The following CD9 variants were observed in gnomAD, a reference collection of about 807,000 sequenced individuals.
CD9 encodes the protein CD9 molecule.
CD9 carries 10 observed loss-of-function variants against 31.4 expected under a neutral mutation model. The ratio of observed to expected loss-of-function variants is 0.32; its 90% CI spans 0.20 to 0.54. The LOEUF (loss-of-function observed/expected upper bound fraction) is 0.54. Among genes scored for constraint, CD9 ranks in the 20% least tolerant of loss-of-function variants. CD9 has a pLI of 0.94. For missense variants in CD9, 259 were observed against 300.1 expected (o/e 0.86, Z 1.01); for synonymous variants, 113 against 114.1 (o/e 0.99, Z 0.06).
intron 1 of CD9, among the ~76,000 whole-genome samples, chr12:6,224,190 A>G (rs1401522129): frequency 1.3e-5 from 2 of 152,048 alleles, no homozygotes; most frequent in East Asian, 1.9e-4. Context: ...TGCACTTCTG[A>G]TATTATCTTC....
chr12:6,233,435 A>G lies in CD9; in HGVS notation c.297A>G (p.Ile99Met). Residue 99 changes from isoleucine (I) to methionine (M), a missense_variant, in exon 4 of 8, where the codon ATA becomes ATG. By Grantham distance (10) the Ile-to-Met change is conservative. Transcript: ENST00000009180. Reference sequence around the variant, plus strand: ...AGTTCTTCGGCTTCCTCTTGGTGATATTCGCCATTGAAATAGCTGCGGCCA... The same window carrying G: ...AGTTCTTCGGCTTCCTCTTGGTGATGTTCGCCATTGAAATAGCTGCGGCCA... The part of the protein sequence containing the change: ...LGLFFGFLLV[I>M]FAIEIAAAIW... 1 of 1,614,016 alleles carries G rather than the reference A, an allele frequency of 6.2e-7. No homozygotes were observed. Among genetic ancestry groups the G allele is most frequent in the Non-Finnish European group, 8.5e-7 (1 of 1,179,954 alleles).
intron 1 of CD9, among the ~76,000 whole-genome samples, chr12:6,201,876 A>G (rs955416927): frequency 2.0e-5 from 3 of 152,146 alleles, no homozygotes; most frequent in South Asian, 2.1e-4. Context: ...CATCTCCACA[A>G]AAAAATAAAA....
chr12:6,211,470 C>G (rs1395203929), intron 1 of CD9, among the ~76,000 whole-genome samples: 1 of 152,156 alleles, frequency 6.6e-6, no homozygotes, highest in Non-Finnish European at 1.5e-5. Flanking sequence ...TTTAGCCGAC[C>G]CTGCCACTCC....
intron 1 of CD9, among the ~76,000 whole-genome samples, chr12:6,210,297 G>A (rs1946180838): frequency 6.6e-6 from 1 of 152,238 alleles, no homozygotes; most frequent in Non-Finnish European, 1.5e-5. Flanking sequence ...ATGGGCAGCT[G>A]CAACAGTGCA....
rs1481096567 is a variant in CD9, at chr12:6,237,833, A to G, written c.*5A>G. 3.1e-6 allele frequency: 5 copies of G among 1,606,860 alleles called. No individual in the cohort carries two copies. The Admixed American group carries it at 8.3e-5, about 27-fold the overall frequency. ...AGGAACCGCGAGATGGTCTAGAGTCAGCTTACATCCCTGAGCAGGAAAGTT... is the reference window on the plus strand; with the variant it reads ...AGGAACCGCGAGATGGTCTAGAGTCGGCTTACATCCCTGAGCAGGAAAGTT... On this transcript the variant is annotated 3_prime_UTR_variant, in exon 8 of 8. Coordinates refer to ENST00000009180, the MANE Select transcript of CD9 (RefSeq NM_001769.4).
At position 6,232,509 on chromosome 12, in the gene CD9, A is replaced by T. The variant is rs1946459044; in HGVS notation, c.176-123A>T. ...TTAAGGAAAGGGAACTTCTTCCCTG[A>T]GATGAGGGGAATAAGGAGGTGGGGA... On this transcript the variant is annotated intron_variant, in intron 2 of 7. Transcript: ENST00000009180. The surrounding 1 kb of genome is among the most constrained non-coding windows in gnomAD (Gnocchi z 4.8). The T allele has an allele frequency of 4.3e-6, 3 of 703,132 alleles. No individual in the cohort carries two copies. Among genetic ancestry groups the T allele is most frequent in the Non-Finnish European group, 7.7e-6 (3 of 391,130 alleles). The allele number at this position is 703,132 out of a possible 1,614,324, so 43.6% of individuals were successfully genotyped here.
intron 1 of CD9, 149 bp from the exon 2 acceptor site, chr12:6,225,277 C>A: frequency 4.8e-6 from 3 of 622,888 alleles, no homozygotes; most frequent in Non-Finnish European, 8.7e-6. Context: ...AAACACACCC[C>A]GTAATGGCAT....
At chr12:6,216,765 C>T (rs957060052) in intron 1 of CD9, among the ~76,000 whole-genome samples, 9 of 152,196 alleles carry the variant, frequency 5.9e-5, no homozygotes, top group African/African-American at 2.2e-4. Context: ...GGAAACAGAA[C>T]CCCAGTGTCC....
intron 2 of CD9, 152 bp downstream of exon 2, chr12:6,225,686 G>A: frequency 3.4e-6 from 2 of 596,146 alleles, no homozygotes; most frequent in South Asian, 4.1e-5. Context: ...AAGTTGTGCA[G>A]TTTTTGTGTG....
Position 6,236,826 on chromosome 12 carries a change from TC to T in CD9, c.621+556del, listed in dbSNP as rs11568271. On this transcript the variant is annotated intron_variant, in intron 7 of 7. Transcript: ENST00000009180. The stretch of plus-strand genomic sequence containing the variant: ...GGGATGGCCTTGGCTCACTGAGTCT[TC>T]CCCCACCCCCGCCTGCCTCTGCCCT... The T allele has an allele frequency of 8.6e-3, 1,991 of 230,400 alleles. 40 individuals carry two copies. The highest frequency in any genetic ancestry group is 0.042 in the African/African-American group (1,861 of 44,426). 14.3% of individuals were successfully genotyped at this position (230,400 alleles called of 1,614,324 possible).
At chr12:6,228,206 C>G (rs942167164) in intron 2 of CD9, among the ~76,000 whole-genome samples, 5 of 152,182 alleles carry the variant, frequency 3.3e-5, no homozygotes, top group Non-Finnish European at 7.3e-5. Flanking sequence ...GAAGCGCCGG[C>G]AAGGGGGATG....
At chr12:6,222,011 T>C (rs956128726) in intron 1 of CD9, among the ~76,000 whole-genome samples, 8 of 152,068 alleles carry the variant, frequency 5.3e-5, no homozygotes, top group African/African-American at 1.9e-4. Flanking sequence ...ATAAAGCAGC[T>C]GGGGTGAAAG....
At chr12:6,217,927 T>A (rs1946257822) in intron 1 of CD9, among the ~76,000 whole-genome samples, 1 of 152,060 alleles carries the variant, frequency 6.6e-6, no homozygotes, top group South Asian at 2.1e-4. Flanking sequence ...AAATATTTTG[T>A]CCTTTTTAAA....
chr12:6,214,797 C>G (rs1468911391), intron 1 of CD9, among the ~76,000 whole-genome samples: 1 of 152,166 alleles, frequency 6.6e-6, no homozygotes, highest in Non-Finnish European at 1.5e-5. Flanking sequence ...TGCCCTGCTG[C>G]AGGTTGTGGG....
intron 1 of CD9, among the ~76,000 whole-genome samples, chr12:6,215,804 C>T (rs1001908891): frequency 6.6e-6 from 1 of 152,222 alleles, no homozygotes; most frequent in Non-Finnish European, 1.5e-5. Flanking sequence ...TCTAGAAATT[C>T]CGCCATGAGC....
intron 1 of CD9, among the ~76,000 whole-genome samples, chr12:6,224,066 G>T (rs1469204267): frequency 6.6e-6 from 1 of 152,208 alleles, no homozygotes. Context: ...CGGCTGAGAG[G>T]CTGAGAAGAT....
At chr12:6,236,924 TAAGAA>T (rs1245712077) in intron 7 of CD9, among the ~76,000 whole-genome samples, 1 of 152,168 alleles carries the variant, frequency 6.6e-6, no homozygotes, top group Non-Finnish European at 1.5e-5. Context: ...ACCGGCATCT[TAAGAA>T]AGGCATGAAG....
chr12:6,216,833 G>A (rs548176042), intron 1 of CD9, among the ~76,000 whole-genome samples: 3 of 152,282 alleles, frequency 2.0e-5, no homozygotes, highest in Admixed American at 6.5e-5. Flanking sequence ...CACAACAGCC[G>A]TCCACAGAGG....
chr12:6,210,067 G>T (rs1228481705), intron 1 of CD9, among the ~76,000 whole-genome samples: 1 of 152,204 alleles, frequency 6.6e-6, no homozygotes, highest in Non-Finnish European at 1.5e-5. Context: ...TGGGAGGCTG[G>T]CACTCTCCTC....
Sources: allele counts gnomAD v4.1 joint callset (sites outside exome capture counted in the v4.1 genomes callset), GRCh38; gene constraint gnomAD v4.1.1; non-coding constraint Gnocchi (gnomAD v3.1); transcripts MANE v1.5; gene names NCBI Gene and HGNC (gene_info 2026-07-23, HGNC 2026-07-21).